EGFR: variants seen among roughly 807,000 people sequenced by gnomAD.
EGFR encodes the protein epidermal growth factor receptor, also known as avian erythroblastic leukemia viral (v-erb-b) oncogene homolog.
In EGFR, 58 loss-of-function variants were observed where a neutral mutation model predicts 143.0. The observed-to-expected ratio is 0.41, with a 90% CI of 0.33 to 0.50. EGFR has a LOEUF of 0.50. EGFR is among the 20% of genes least tolerant of loss of function. EGFR has a pLI of 0.39. For missense variants in EGFR, 1,307 were observed against 1,579.0 expected (o/e 0.83, Z 2.92); for synonymous variants, 613 against 594.4 (o/e 1.03, Z -0.45).
At chr7:55,045,714 G>C (rs1259977207) in intron 1 of EGFR, among the ~76,000 whole-genome samples, 1 of 152,212 alleles carries the variant, frequency 6.6e-6, no homozygotes, top group African/African-American at 2.4e-5. Context: ...TGTGTGAAAA[G>C]TGAAAAGTGC....
intron 27 of EGFR, among the ~76,000 whole-genome samples, chr7:55,204,737 A>C (rs766664377): frequency 2.1e-4 from 30 of 145,316 alleles, no homozygotes; most frequent in Non-Finnish European, 3.0e-4. Context: ...ACACACACAC[A>C]ACTCATACCA....
At position 55,124,241 on chromosome 7, in the gene EGFR, A is replaced by C. The variant is rs975717964; in HGVS notation, c.89-18045A>C. Among the ~76,000 whole-genome samples, 21 of 152,238 alleles carry C rather than the reference A, an allele frequency of 1.4e-4. No individual in the cohort carries two copies. In the East Asian group the frequency reaches 1.5e-3, roughly 11 times the overall value. ...TGACATTCCATACTACTTCAATCAAATCTAAAACCTTTGTTCCAACATGTT... is the reference window on the plus strand; with the variant it reads ...TGACATTCCATACTACTTCAATCAACTCTAAAACCTTTGTTCCAACATGTT... On this transcript the variant is annotated intron_variant, in intron 1 of 27. Transcript: ENST00000275493.
chr7:55,139,223 C>A lies in EGFR; in HGVS notation c.89-3063C>A, dbSNP rs1478095672. Among the ~76,000 whole-genome samples the A allele has an allele frequency of 1.3e-5, 2 of 152,158 alleles. 1 individual carries two copies. Among genetic ancestry groups the A allele is most frequent in the Non-Finnish European group, 2.9e-5 (2 of 68,028 alleles). ...GCACAGAGAGCTTGGAGAAGTACTT[C>A]AAGGTCACCCAATGAGGAAGTGGCT... On this transcript the variant is annotated intron_variant, in intron 1 of 27. Transcript: ENST00000275493.
rs986203096 is a variant in EGFR, at chr7:55,143,163, C to G, written c.241-142C>G. Reference sequence around the variant, plus strand: ...TGCCTCCTGTGTCCATGACTGCAATCGTCTACCTATTTTACAGTTGTTGAG... The same window carrying G: ...TGCCTCCTGTGTCCATGACTGCAATGGTCTACCTATTTTACAGTTGTTGAG... On this transcript the variant is annotated intron_variant, in intron 2 of 27. Coordinates refer to ENST00000275493, the MANE Select transcript of EGFR (RefSeq NM_005228.5). The G allele has an allele frequency of 1.4e-5, 11 of 784,938 alleles. No homozygotes were observed. In the African/African-American group the frequency reaches 1.7e-4, roughly 12 times the overall value. The allele number at this position is 784,938 out of a possible 1,614,324, so 48.6% of individuals were successfully genotyped here.
intron 20 of EGFR, among the ~76,000 whole-genome samples, chr7:55,185,391 G>C (rs907892630): frequency 7.2e-5 from 11 of 152,184 alleles, no homozygotes; most frequent in Admixed American, 5.9e-4. Context: ...ACTTAAGAAA[G>C]CCTGTCTACT....
chr7:55,056,070 C>A (rs1398039393), intron 1 of EGFR, among the ~76,000 whole-genome samples: 3 of 152,106 alleles, frequency 2.0e-5, no homozygotes, highest in Non-Finnish European at 4.4e-5. Context: ...AGAGAGGGTA[C>A]AAAAGGTGAA....
At chr7:55,138,071 T>C (rs150953337) in intron 1 of EGFR, among the ~76,000 whole-genome samples, 133 of 152,266 alleles carry the variant, frequency 8.7e-4, no homozygotes, top group African/African-American at 3.1e-3. Context: ...TTAAAATGCA[T>C]CCAAAGGCAG....
rs1788185020 is a variant in EGFR, at chr7:55,209,330, G to A, written c.*3713G>A. On this transcript the variant is annotated 3_prime_UTR_variant, in exon 28 of 28. Transcript: ENST00000275493. ...TGTGCAGTGGAGAGAACAATCTGCA[G>A]TCACTGATAAGCCTGAGACTTGGCT... 6.6e-6 allele frequency: 1 copy of A among 152,196 alleles called. No homozygotes were observed. The allele number at this position is 152,196 out of a possible 1,614,324, so 9.4% of individuals were successfully genotyped here.
At chr7:55,161,381 A>G in intron 12 of EGFR, 118 bp from the exon 13 acceptor site, 2 of 1,377,340 alleles carry the variant, frequency 1.5e-6, no homozygotes, top group Non-Finnish European at 1.9e-6. Flanking sequence ...GGTAGCCAGC[A>G]TGTCTGTGTC....
At chr7:55,051,950 T>A (rs1280748809) in intron 1 of EGFR, among the ~76,000 whole-genome samples, 1 of 152,246 alleles carries the variant, frequency 6.6e-6, no homozygotes, top group Non-Finnish European at 1.5e-5. Flanking sequence ...CTTCAAATAG[T>A]CTCTCCAGCT....
At chr7:55,019,428 G>A in intron 1 of EGFR, 63 bp downstream of exon 1, 2 of 1,097,544 alleles carry the variant, frequency 1.8e-6, no homozygotes, top group Non-Finnish European at 2.3e-6. Context: ...CCCGCAGCCC[G>A]CCCAACCGCG....
intron 1 of EGFR, among the ~76,000 whole-genome samples, chr7:55,048,431 G>A (rs1583907711): frequency 6.6e-6 from 1 of 152,320 alleles, no homozygotes; most frequent in East Asian, 1.9e-4. Context: ...GGACATCACT[G>A]AACTTTACCC....
At chr7:55,102,777 AT>A (rs1279734782) in intron 1 of EGFR, among the ~76,000 whole-genome samples, 1 of 152,168 alleles carries the variant, frequency 6.6e-6, no homozygotes, top group African/African-American at 2.4e-5. Context: ...AATTTTAAAA[AT>A]TTTTTTAAAA....
intron 1 of EGFR, among the ~76,000 whole-genome samples, chr7:55,073,028 T>C (rs1189269127): frequency 1.3e-5 from 2 of 152,234 alleles, no homozygotes; most frequent in African/African-American, 4.8e-5. Flanking sequence ...TATATCTGAC[T>C]GCTCTTGGAG....
chr7:55,175,744 G>A (rs1374176663), intron 19 of EGFR, among the ~76,000 whole-genome samples: 4 of 152,158 alleles, frequency 2.6e-5, no homozygotes, highest in East Asian at 1.9e-4. Flanking sequence ...AATATCCTCC[G>A]CCTCATGTCT....
At chr7:55,119,402 TTGGCTCTGA>T (rs1447826448) in intron 1 of EGFR, 5 of 152,214 alleles carry the variant, frequency 3.3e-5, no homozygotes, top group African/African-American at 1.2e-4. Flanking sequence ...GGGGATAATG[TTGGCTCTGA>T]TGCTGTACAT....
intron 1 of EGFR, among the ~76,000 whole-genome samples, chr7:55,132,371 A>T (rs1173599629): frequency 6.6e-6 from 1 of 152,234 alleles, no homozygotes; most frequent in Non-Finnish European, 1.5e-5. Context: ...AAGAAGAATG[A>T]ATGAAGATGT....
chr7:55,123,640 T>C (rs1002227810), intron 1 of EGFR, among the ~76,000 whole-genome samples: 4 of 152,080 alleles, frequency 2.6e-5, no homozygotes, highest in African/African-American at 9.7e-5. Flanking sequence ...CCTTATTGCA[T>C]GAGGCTTTGC....
chr7:55,200,777 G>T (rs923990990), intron 24 of EGFR: 1 of 481,866 alleles, frequency 2.1e-6, no homozygotes. Flanking sequence ...GCATCACCCA[G>T]GCAGCCGATC....
Sources: allele counts gnomAD v4.1 joint callset (sites outside exome capture counted in the v4.1 genomes callset), GRCh38; gene constraint gnomAD v4.1.1; transcripts MANE v1.5; gene names NCBI Gene and HGNC (gene_info 2026-07-23, HGNC 2026-07-21).